DCBLD1: variants seen among roughly 807,000 people sequenced by gnomAD.
The protein encoded by DCBLD1 is discoidin, CUB and LCCL domain-containing protein 1.
In DCBLD1, 57 loss-of-function variants were observed where a neutral mutation model predicts 71.5. The ratio of observed to expected loss-of-function variants is 0.80; its 90% CI spans 0.64 to 0.99. DCBLD1 has a LOEUF of 0.99. DCBLD1 is among the 50% of genes least tolerant of loss of function. The pLI is 0.00. For missense variants in DCBLD1, 891 were observed against 923.5 expected (o/e 0.96, Z 0.46); for synonymous variants, 380 against 363.8 (o/e 1.04, Z -0.51).
chr6:117,548,716 ATTGAGCTGCT>A lies in DCBLD1; in HGVS notation c.*281_*290del. The A allele has an allele frequency of 7.3e-7, 1 of 1,369,684 alleles. No homozygotes were observed. Among genetic ancestry groups the A allele is most frequent in the Non-Finnish European group, 9.4e-7 (1 of 1,063,220 alleles). The allele number at this position is 1,369,684 out of a possible 1,614,324, so 84.8% of individuals were successfully genotyped here. ...TGGCGTTTTCATTCCTCTGACTGATATTGAGCTGCTTTGGTGTTAAAGGTGTAATGTGTAC... is the reference window on the plus strand; with the variant it reads ...TGGCGTTTTCATTCCTCTGACTGATATTGGTGTTAAAGGTGTAATGTGTAC... On this transcript the variant is annotated 3_prime_UTR_variant, in exon 15 of 15. Transcript: ENST00000338728.
At chr6:117,483,883 A>G (rs970259142) in intron 1 of DCBLD1, among the ~76,000 whole-genome samples, 4 of 151,948 alleles carry the variant, frequency 2.6e-5, no homozygotes, top group Non-Finnish European at 4.4e-5. Flanking sequence ...ACTAAAACCA[A>G]TGCCGGCATT....
At chr6:117,506,886 C>G (rs1401131643) in intron 2 of DCBLD1, among the ~76,000 whole-genome samples, 1 of 152,186 alleles carries the variant, frequency 6.6e-6, no homozygotes, top group Non-Finnish European at 1.5e-5. Context: ...TCTGGAATAC[C>G]ACATTTAATT....
rs568203794 is a variant in DCBLD1 at position 117,488,324 on chromosome 6, G to A, written c.112+5431G>A. 6.6e-5 allele frequency among the ~76,000 whole-genome samples: 10 copies of A among 152,268 alleles called. 1 individual carries two copies. The South Asian group carries it at 1.7e-3, about 25-fold the overall frequency. ...ATTGTATATATGACTATTGTGGAGCGTTAGGAAACACTGTGCAGGTATTTA... is the reference window on the plus strand; with the variant it reads ...ATTGTATATATGACTATTGTGGAGCATTAGGAAACACTGTGCAGGTATTTA... On this transcript the variant is annotated intron_variant, in intron 1 of 14. Transcript: ENST00000338728.
In DCBLD1 at chr6:117,482,735, T is replaced by G. The variant is rs1776931615; in HGVS notation, c.-47T>G. 6 of 1,115,302 alleles carry G rather than the reference T, an allele frequency of 5.4e-6. No homozygotes were observed. In the East Asian group the frequency reaches 2.5e-4, roughly 46 times the overall value. The allele number at this position is 1,115,302 out of a possible 1,614,324, so 69.1% of individuals were successfully genotyped here. A position where few individuals can be genotyped will look rare whatever the true frequency, so the allele number is the denominator to read the frequency against. On this transcript the variant is annotated 5_prime_UTR_variant, in exon 1 of 15. Coordinates refer to ENST00000338728, the MANE Select transcript of DCBLD1 (RefSeq NM_001366458.2). ...CGGCCCGGGCAGCTGCGGCTCGGGA[T>G]CCGTCGAGGGGAGGCCGAGCTTGCC...
At chr6:117,560,341 C>T (rs1451388382) in intron 14 of DCBLD1, 1 of 179,594 alleles carries the variant, frequency 5.6e-6, no homozygotes, top group African/African-American at 2.4e-5. Context: ...AAGATGCCAT[C>T]TTTATTTACA....
intron 2 of DCBLD1, among the ~76,000 whole-genome samples, chr6:117,509,852 C>T (rs1308020744): frequency 6.6e-6 from 1 of 152,202 alleles, no homozygotes; most frequent in Non-Finnish European, 1.5e-5. Flanking sequence ...GAACTAGCTC[C>T]ATATACAGGT....
At chr6:117,484,323 G>A (rs915665957) in intron 1 of DCBLD1, among the ~76,000 whole-genome samples, 1 of 152,114 alleles carries the variant, frequency 6.6e-6, no homozygotes, top group Non-Finnish European at 1.5e-5. Flanking sequence ...AAGTGTGATT[G>A]CTTAGATTCT....
intron 1 of DCBLD1, among the ~76,000 whole-genome samples, chr6:117,496,335 G>A (rs2114394659): frequency 6.6e-6 from 1 of 152,250 alleles, no homozygotes; most frequent in Non-Finnish European, 1.5e-5. Context: ...TTTTGCCTTT[G>A]TTCATTCTCA....
In DCBLD1 at chr6:117,548,286, C is replaced by A. The variant is rs1412546401; in HGVS notation, c.1995C>A (p.Tyr665Ter). 7.1e-6 allele frequency: 11 copies of A among 1,550,528 alleles called. No individual in the cohort carries two copies. The highest frequency in any genetic ancestry group is 4.8e-5 in the South Asian group (4 of 84,066). Reference protein sequence around the residue: ...PHSAQPADRGYDRPKAVSALA... With the variant: ...PHSAQPADRG ...GCGCACAGCCTGCGGACAGGGGCTA[C>A]GACCGGCCCAAAGCTGTCAGCGCCC... Residue 665 changes from tyrosine to a stop codon, truncating the protein, a stop_gained, in exon 15 of 15, where the codon TAC (tyrosine) becomes TAA (stop). Coordinates refer to ENST00000338728, the MANE Select transcript of DCBLD1 (RefSeq NM_001366458.2). LOFTEE classifies it low-confidence loss of function (END_TRUNC).
At position 117,545,558 on chromosome 6, in the gene DCBLD1, A is replaced by G. The variant is rs116943808; in HGVS notation, c.1576A>G (p.Met526Val). Reference sequence around the variant, plus strand: ...CATCAGCTATGATAATGAGAAGGAGATGACACAAAAGTTAGATCTCATCAC... The same window carrying G: ...CATCAGCTATGATAATGAGAAGGAGGTGACACAAAAGTTAGATCTCATCAC... ...FTISYDNEKE[M>V]TQKLDLITSD... Residue 526 changes from methionine to valine, a missense_variant, in exon 14 of 15, where the codon ATG becomes GTG. Physicochemically the swap from Met to Val is conservative, Grantham distance 21 (BLOSUM62 1). Coordinates refer to ENST00000338728, the MANE Select transcript of DCBLD1 (RefSeq NM_001366458.2). 9 of 1,614,154 alleles carry G rather than the reference A, an allele frequency of 5.6e-6. No individual in the cohort carries two copies. The highest frequency in any genetic ancestry group is 1.3e-5 in the African/African-American group (1 of 75,048).
At position 117,543,193 on chromosome 6, in the gene DCBLD1, T is replaced by C; in HGVS notation, c.1427T>C (p.Ile476Thr). 1 of 1,614,082 alleles carries C rather than the reference T, an allele frequency of 6.2e-7. No individual in the cohort carries two copies. Among genetic ancestry groups the C allele is most frequent in the Non-Finnish European group, 8.5e-7 (1 of 1,179,966 alleles). Residue 476 changes from isoleucine (I) to threonine (T), a missense_variant, in exon 12 of 15, where the codon ATC (isoleucine) becomes ACC (threonine). Ile to Thr is a moderately conservative substitution (Grantham distance 89, BLOSUM62 -1). Transcript: ENST00000338728. ...GTCCTGGTGTTTGCTGGAATGGGGA[T>C]CTTTGCAGCCTTTAGAAAGTATGGT... ...LVVLVFAGMGIFAAFRKKKKK... is the reference protein window; with the variant it reads ...LVVLVFAGMGTFAAFRKKKKK...
At chr6:117,569,791 G>A (rs761888375) in exon 15 of DCBLD1, 66 of 1,462,452 alleles carry the variant, frequency 4.5e-5, no homozygotes, top group Admixed American at 1.7e-4. Flanking sequence ...TACAGTTACC[G>A]ATTAATCTAG....
intron 11 of DCBLD1, among the ~76,000 whole-genome samples, chr6:117,541,595 T>C: frequency 6.6e-6 from 1 of 152,296 alleles, no homozygotes; most frequent in East Asian, 1.9e-4. Context: ...ATATAATCTA[T>C]TCAAATAACA....
At chr6:117,563,500 T>C in intron 14 of DCBLD1, 1 of 909,058 alleles carries the variant, frequency 1.1e-6, no homozygotes, top group Non-Finnish European at 1.7e-6. Context: ...GGTGGGTGGA[T>C]AACCTGAGGT....
intron 2 of DCBLD1, among the ~76,000 whole-genome samples, chr6:117,509,761 C>A (rs891178735): frequency 6.6e-6 from 1 of 152,158 alleles, no homozygotes; most frequent in African/African-American, 2.4e-5. Context: ...CACACCCTAC[C>A]CTACTCCTCC....
chr6:117,512,518 C>T (rs765020279), intron 2 of DCBLD1, among the ~76,000 whole-genome samples: 7 of 152,280 alleles, frequency 4.6e-5, no homozygotes, highest in Middle Eastern at 3.4e-3. Context: ...GCATCAAAAA[C>T]AAATTGAAAA....
In DCBLD1 at chr6:117,519,894, G is replaced by T. The variant is rs1467967080; in HGVS notation, c.404G>T (p.Gly135Val). 6.2e-7 allele frequency: 1 copy of T among 1,614,086 alleles called. No individual in the cohort carries two copies. Among genetic ancestry groups the T allele is most frequent in the Admixed American group, 1.7e-5 (1 of 60,002 alleles). Residue 135 changes from glycine to valine, a missense_variant, in exon 3 of 15, where the codon GGA becomes GTA. Physicochemically the swap from Gly to Val is moderately radical, Grantham distance 109 (BLOSUM62 -3). Coordinates refer to ENST00000338728, the MANE Select transcript of DCBLD1 (RefSeq NM_001366458.2). ...GAAGTAACCGTCCGCTTTGAGAGTGGATCCCACATTTCTGGCCGGGGTTTT... is the reference window on the plus strand; with the variant it reads ...GAAGTAACCGTCCGCTTTGAGAGTGTATCCCACATTTCTGGCCGGGGTTTT... ...TSEVTVRFES[G>V]SHISGRGFLL...
At chr6:117,546,520 T>C (rs1361644816) in intron 14 of DCBLD1, among the ~76,000 whole-genome samples, 2 of 152,196 alleles carry the variant, frequency 1.3e-5, no homozygotes, top group Non-Finnish European at 2.9e-5. Flanking sequence ...GAGCATCCTC[T>C]GCAACCAAAA....
chr6:117,533,809 C>T (rs1778799737), intron 6 of DCBLD1, among the ~76,000 whole-genome samples: 1 of 152,124 alleles, frequency 6.6e-6, no homozygotes, highest in African/African-American at 2.4e-5. Context: ...CATCAGCACA[C>T]CATGCTCACG....
Sources: allele counts gnomAD v4.1 joint callset (sites outside exome capture counted in the v4.1 genomes callset), GRCh38; gene constraint gnomAD v4.1.1; transcripts MANE v1.5; gene names NCBI Gene and HGNC (gene_info 2026-07-23, HGNC 2026-07-21).